GFOD1: variants seen among roughly 807,000 people sequenced by gnomAD.
GFOD1 encodes glucose-fructose oxidoreductase domain-containing protein 1.
A neutral mutation model predicts 25.4 loss-of-function variants in GFOD1; 9 were observed. The observed-to-expected ratio is 0.35, with a 90% CI of 0.21 to 0.62. The LOEUF is 0.62. Ranked by LOEUF, GFOD1 falls within the 20% of genes least tolerant of loss-of-function variation. The pLI is 0.72. For synonymous variants in GFOD1, 253 were observed against 245.6 expected, an observed-to-expected ratio of 1.03 and a Z score of -0.28; for missense variants, 403 against 556.9, an observed-to-expected ratio of 0.72 and a Z score of 2.78.
intron 1 of GFOD1, among the ~76,000 whole-genome samples, chr6:13,388,228 A>T (rs578172656): frequency 4.3e-4 from 65 of 152,246 alleles, no homozygotes; most frequent in South Asian, 8.3e-4. Context: ...CCATCAAGTT[A>T]CCAGTGACTT....
At chr6:13,475,740 T>C (rs1758609034) in intron 1 of GFOD1, among the ~76,000 whole-genome samples, 1 of 139,364 alleles carries the variant, frequency 7.2e-6, no homozygotes, top group Non-Finnish European at 1.6e-5. Context: ...ATAATAATAA[T>C]AATAATAATA....
intron 1 of GFOD1, among the ~76,000 whole-genome samples, chr6:13,457,952 T>G (rs1758220861): frequency 6.6e-6 from 1 of 152,196 alleles, no homozygotes; most frequent in Non-Finnish European, 1.5e-5. Flanking sequence ...TCAAAAGGAT[T>G]ATTTCATTCC....
intron 1 of GFOD1, among the ~76,000 whole-genome samples, chr6:13,448,442 C>T (rs1351737559): frequency 6.6e-6 from 1 of 152,178 alleles, no homozygotes; most frequent in Non-Finnish European, 1.5e-5. Flanking sequence ...ATGTTCTCTG[C>T]ACAAAGGAAG....
At chr6:13,467,398 G>C (rs555769760) in intron 1 of GFOD1, among the ~76,000 whole-genome samples, 1 of 152,040 alleles carries the variant, frequency 6.6e-6, no homozygotes, top group African/African-American at 2.4e-5. Context: ...GACAAGAACC[G>C]CCTGTCCAGC....
intron 1 of GFOD1, among the ~76,000 whole-genome samples, chr6:13,445,056 C>A (rs1268190672): frequency 2.6e-5 from 4 of 152,310 alleles, no homozygotes; most frequent in South Asian, 4.1e-4. Flanking sequence ...GGCAATAACA[C>A]CACATTAATG....
At chr6:13,409,797 C>T (rs1051792280) in intron 1 of GFOD1, among the ~76,000 whole-genome samples, 1 of 151,992 alleles carries the variant, frequency 6.6e-6, no homozygotes, top group Non-Finnish European at 1.5e-5. Flanking sequence ...TGGCACACAC[C>T]TGTAGTCCCA....
chr6:13,358,632 T>G lies in GFOD1; in HGVS notation c.*6111A>C, dbSNP rs973603177. 1 of 152,200 alleles carries G rather than the reference T, an allele frequency of 6.6e-6. No individual in the cohort carries two copies. Among genetic ancestry groups the G allele is most frequent in the Non-Finnish European group, 1.5e-5 (1 of 68,048 alleles). 9.4% of individuals were successfully genotyped at this position (152,200 alleles called of 1,614,324 possible). On this transcript the variant is annotated 3_prime_UTR_variant, in exon 2 of 2. Coordinates refer to ENST00000379287, the MANE Select transcript of GFOD1 (RefSeq NM_018988.4). ...CTGGGATTAGACCAAGAATCACAAG[T>G]AAGTCATTGCGTTTATAAGGAAAAA...
At chr6:13,398,005 A>C (rs1417510934) in intron 1 of GFOD1, among the ~76,000 whole-genome samples, 1 of 152,194 alleles carries the variant, frequency 6.6e-6, no homozygotes, top group Non-Finnish European at 1.5e-5. Context: ...TGCAGAAGGA[A>C]GTCTGAGAAG....
intron 1 of GFOD1, among the ~76,000 whole-genome samples, chr6:13,440,374 A>G (rs1301792625): frequency 6.6e-6 from 1 of 152,096 alleles, no homozygotes; most frequent in Admixed American, 6.5e-5. Flanking sequence ...TATTTTTAGT[A>G]GAGACAGGGT....
chr6:13,456,501 G>A (rs981861602), intron 1 of GFOD1, among the ~76,000 whole-genome samples: 3 of 152,122 alleles, frequency 2.0e-5, no homozygotes, highest in Non-Finnish European at 2.9e-5. Flanking sequence ...AATTTCTCAT[G>A]AATATTGTCA....
intron 1 of GFOD1, among the ~76,000 whole-genome samples, chr6:13,454,017 T>A (rs1758144833): frequency 6.6e-6 from 1 of 152,194 alleles, no homozygotes; most frequent in African/African-American, 2.4e-5. Context: ...CAGGATGAAG[T>A]CATGAGGGTT....
chr6:13,365,297 C>G lies in GFOD1; in HGVS notation c.619G>C (p.Asp207His), dbSNP rs753380403. Residue 207 changes from aspartate to histidine, a missense_variant, in exon 2 of 2, where the codon GAC (aspartate) becomes CAC (histidine). Physicochemically the swap from Asp to His is moderately conservative, Grantham distance 81 (BLOSUM62 -1). Coordinates refer to ENST00000379287, the MANE Select transcript of GFOD1 (RefSeq NM_018988.4). The surrounding 1 kb of genome is among the most constrained non-coding windows in gnomAD (Gnocchi z 9.2). ...ATCTGTCGGATGCCCTTGATGTGGTCAGTCTGCTTCACGAAGGTCTTGAGC... is the reference window on the plus strand; with the variant it reads ...ATCTGTCGGATGCCCTTGATGTGGTGAGTCTGCTTCACGAAGGTCTTGAGC... ...GLLKTFVKQTDHIKGIRQITS... is the reference protein window; with the variant it reads ...GLLKTFVKQTHHIKGIRQITS... 3.7e-6 allele frequency: 6 copies of G among 1,614,070 alleles called. No homozygotes were observed. The East Asian group carries it at 1.3e-4, about 36-fold the overall frequency.
chr6:13,372,411 T>C (rs962344296), intron 1 of GFOD1, among the ~76,000 whole-genome samples: 1 of 152,204 alleles, frequency 6.6e-6, no homozygotes, highest in African/African-American at 2.4e-5. Context: ...ATCTGTGCTA[T>C]AGGGAAGAGT....
At chr6:13,392,787 G>C (rs1785639958) in intron 1 of GFOD1, among the ~76,000 whole-genome samples, 1 of 152,084 alleles carries the variant, frequency 6.6e-6, no homozygotes, top group Non-Finnish European at 1.5e-5. Context: ...TAGGTGCAAT[G>C]ACTCACACCT....
Position 13,361,424 on chromosome 6 carries a change from C to T in GFOD1, c.*3319G>A, listed in dbSNP as rs572886492. 1 of 155,196 alleles carries T rather than the reference C, an allele frequency of 6.4e-6. No homozygotes were observed. The highest frequency in any genetic ancestry group is 2.0e-4 in the South Asian group (1 of 5,042). The allele number at this position is 155,196 out of a possible 1,614,324, so 9.6% of individuals were successfully genotyped here. ...AATGGGAAGACTCTTAAAGCACTGCCTCCTTGCATCGAGGCCCTTGAAACA... is the reference window on the plus strand; with the variant it reads ...AATGGGAAGACTCTTAAAGCACTGCTTCCTTGCATCGAGGCCCTTGAAACA... On this transcript the variant is annotated 3_prime_UTR_variant, in exon 2 of 2. Coordinates refer to ENST00000379287, the MANE Select transcript of GFOD1 (RefSeq NM_018988.4).
At chr6:13,417,388 C>T (rs1057428810) in intron 1 of GFOD1, among the ~76,000 whole-genome samples, 1 of 152,316 alleles carries the variant, frequency 6.6e-6, no homozygotes, top group South Asian at 2.1e-4. Context: ...CTCCTGACCT[C>T]GTGATCTGCC....
chr6:13,483,479 AG>A (rs1241903116), intron 1 of GFOD1, among the ~76,000 whole-genome samples: 7 of 152,178 alleles, frequency 4.6e-5, no homozygotes, highest in Non-Finnish European at 1.0e-4. Context: ...TTTTCCTGAA[AG>A]GGGAAACGAT....
chr6:13,477,261 G>A (rs574762864), intron 1 of GFOD1, among the ~76,000 whole-genome samples: 1 of 137,958 alleles, frequency 7.2e-6, no homozygotes, highest in Non-Finnish European at 1.6e-5. Context: ...GTGTAGATGA[G>A]AGATTCGTTT....
intron 1 of GFOD1, among the ~76,000 whole-genome samples, chr6:13,439,284 G>T (rs1423940206): frequency 2.0e-5 from 3 of 152,226 alleles, no homozygotes; most frequent in Admixed American, 6.5e-5. Flanking sequence ...GTGGATTTGG[G>T]TGTACCTGTA....
Sources: gnomAD v4.1 joint callset for allele counts (sites outside exome capture counted in the v4.1 genomes callset) on GRCh38, gnomAD v4.1.1 for gene constraint, Gnocchi (gnomAD v3.1) non-coding constraint, MANE v1.5 for transcripts, NCBI Gene and HGNC (gene_info 2026-07-23, HGNC 2026-07-21) for gene names.